The following RMDN3 variants were observed in gnomAD, a reference collection of about 807,000 sequenced individuals.
RMDN3 encodes regulator of microtubule dynamics protein 3.
A neutral mutation model predicts 61.8 loss-of-function variants in RMDN3; 41 were observed. That is an observed-to-expected ratio of 0.66 (90% confidence interval 0.52 to 0.86). The LOEUF (loss-of-function observed/expected upper bound fraction) is 0.86, where lower values mean the gene tolerates loss of function less well. Among genes scored for constraint, RMDN3 ranks in the 40% least tolerant of loss-of-function variants. The probability of loss-of-function intolerance (pLI) is 0.00; values close to 1 mark genes in which losing one functional copy is unlikely to be tolerated. For missense variants in RMDN3, 557 were observed against 585.3 expected, an observed-to-expected ratio of 0.95 and a Z score of 0.50; for synonymous variants, 247 against 232.0, an observed-to-expected ratio of 1.06 and a Z score of -0.59.
chr15:40,737,746 G>T lies in RMDN3; in HGVS notation c.1126-20C>A, dbSNP rs975549286. 1.9e-6 allele frequency: 3 copies of T among 1,608,986 alleles called. No individual in the cohort carries two copies. The highest frequency in any genetic ancestry group is 2.6e-6 in the Non-Finnish European group (3 of 1,176,244). On this transcript the variant is annotated intron_variant, in intron 9 of 12. Transcript: ENST00000338376. ...AGAGACCTGCCACAAAAAGATCAAG[G>T]TGTGTATAAGAGGTTTTAAAAGGTT...
intron 4 of RMDN3, 149 bp downstream of exon 4, chr15:40,751,277 G>T: frequency 1.0e-6 from 1 of 964,932 alleles, no homozygotes; most frequent in Non-Finnish European, 1.6e-6. Flanking sequence ...AATTGGATGG[G>T]TTTTTTGTTT....
At chr15:40,742,265 C>T (rs1377037908) in intron 6 of RMDN3, among the ~76,000 whole-genome samples, 2 of 150,254 alleles carry the variant, frequency 1.3e-5, no homozygotes, top group African/African-American at 4.9e-5. Flanking sequence ...GCCTTGGCCT[C>T]CCAAAGTGCT....
At chr15:40,745,670 T>G (rs1454901910) in intron 4 of RMDN3, among the ~76,000 whole-genome samples, 2 of 151,834 alleles carry the variant, frequency 1.3e-5, no homozygotes, top group African/African-American at 4.8e-5. Flanking sequence ...CCAGCAGAAA[T>G]CATTATTTGA....
At chr15:40,736,963 C>T (rs762924373) in intron 12 of RMDN3, among the ~76,000 whole-genome samples, 161 bp downstream of exon 12, 1 of 152,218 alleles carries the variant, frequency 6.6e-6, no homozygotes, top group Admixed American at 6.5e-5. Flanking sequence ...AAGCGATTCT[C>T]CAGCCTCAGC....
intron 4 of RMDN3, among the ~76,000 whole-genome samples, chr15:40,748,571 G>C (rs913233687): frequency 2.6e-5 from 4 of 152,220 alleles, no homozygotes; most frequent in African/African-American, 9.6e-5. Flanking sequence ...CTGGTTAACT[G>C]CTCTGGCTCC....
intron 6 of RMDN3, among the ~76,000 whole-genome samples, chr15:40,742,355 CT>C (rs1897317942): frequency 6.6e-6 from 1 of 152,242 alleles, no homozygotes; most frequent in African/African-American, 2.4e-5. Context: ...CTCTACCTCT[CT>C]TCCCAAAGAG....
At chr15:40,742,958 G>T (rs190755469) in intron 6 of RMDN3, among the ~76,000 whole-genome samples, 21 of 152,282 alleles carry the variant, frequency 1.4e-4, no homozygotes, top group Non-Finnish European at 2.1e-4. Flanking sequence ...GAATTTTTCT[G>T]AGGGTCTACA....
chr15:40,749,340 C>A (rs1466050141), intron 4 of RMDN3, among the ~76,000 whole-genome samples: 1 of 152,096 alleles, frequency 6.6e-6, no homozygotes, highest in African/African-American at 2.4e-5. Context: ...ACAGTGAGAC[C>A]CCATCTGTAC....
Position 40,745,071 on chromosome 15 carries a change from A to G in RMDN3, c.713T>C (p.Val238Ala). The G allele has an allele frequency of 1.9e-6, 3 of 1,614,128 alleles. No homozygotes were observed. The highest frequency in any genetic ancestry group is 3.3e-5 in the Admixed American group (2 of 60,012). Residue 238 changes from valine to alanine, a missense_variant, in exon 5 of 13, where the codon GTG (valine) becomes GCG (alanine). Coordinates refer to ENST00000338376, the MANE Select transcript of RMDN3 (RefSeq NM_018145.3). ...GTCGGCCTGCTGCAGGAGGGGCAGC[A>G]CATCCTCCAAGCCTGAGGAACCTCC... ...EAGGSSGLED[V>A]LPLLQQADEL...
intron 3 of RMDN3, 173 bp from the exon 4 acceptor site, chr15:40,751,742 G>T: frequency 3.0e-6 from 3 of 984,386 alleles, no homozygotes; most frequent in Non-Finnish European, 4.6e-6. Flanking sequence ...GGCCCAGCCC[G>T]CACAGACAGA....
At chr15:40,742,176 T>G (rs1276947456) in intron 6 of RMDN3, among the ~76,000 whole-genome samples, 1 of 148,488 alleles carries the variant, frequency 6.7e-6, no homozygotes, top group African/African-American at 2.5e-5. Flanking sequence ...TTTAAGTTTT[T>G]TTTTTTTTTT....
chr15:40,737,011 G>A (rs1897078658), intron 12 of RMDN3, 113 bp downstream of exon 12: 2 of 870,218 alleles, frequency 2.3e-6, no homozygotes, highest in Non-Finnish European at 1.9e-6. Flanking sequence ...GCGCCACTAG[G>A]CCCAACTAAT....
chr15:40,751,757 G>A (rs1288912275), intron 3 of RMDN3, 188 bp from the exon 4 acceptor site: 2 of 910,918 alleles, frequency 2.2e-6, no homozygotes, highest in Non-Finnish European at 3.4e-6. Context: ...GACAGACTAG[G>A]TTAGGCAAAC....
chr15:40,740,227 G>C (rs778817431), intron 6 of RMDN3, 34 bp from the exon 7 acceptor site: 27 of 1,431,658 alleles, frequency 1.9e-5, no homozygotes, highest in Non-Finnish European at 2.7e-5. Context: ...AGTTGACATA[G>C]CTCTTATGCA....
At chr15:40,737,375 G>T in intron 10 of RMDN3, 34 bp from the exon 11 acceptor site, 1 of 1,589,748 alleles carries the variant, frequency 6.3e-7, no homozygotes, top group Non-Finnish European at 8.6e-7. Flanking sequence ...TCAGTAAGAG[G>T]TTCCTATATT....
rs2141925747 is a variant in RMDN3 at position 40,751,848 on chromosome 15, G to A, written c.380+138C>T. Reference sequence around the variant, plus strand: ...GCATGTGCAAGGCGAGGTACCAAATGTACAGCTTCAACCCAGATTAGGCTA... The same window carrying A: ...GCATGTGCAAGGCGAGGTACCAAATATACAGCTTCAACCCAGATTAGGCTA... On this transcript the variant is annotated intron_variant, in intron 3 of 12. Transcript: ENST00000338376. 10 of 980,392 alleles carry A rather than the reference G, an allele frequency of 1.0e-5. 1 individual carries two copies. The South Asian group carries it at 1.6e-4, about 15-fold the overall frequency. The allele number at this position is 980,392 out of a possible 1,614,324, so 60.7% of individuals were successfully genotyped here.
intron 10 of RMDN3, 108 bp from the exon 11 acceptor site, chr15:40,737,449 G>T: frequency 8.3e-7 from 1 of 1,203,198 alleles, no homozygotes; most frequent in Non-Finnish European, 1.2e-6. Flanking sequence ...GATTCAGTGG[G>T]TCTGAAGAAA....
chr15:40,745,284 CAA>C, intron 4 of RMDN3, 25 bp from the exon 5 acceptor site: 2 of 1,608,796 alleles, frequency 1.2e-6, no homozygotes, highest in Middle Eastern at 1.7e-4. Context: ...TAAGGGACAA[CAA>C]GAGGATTATT....
At chr15:40,753,557 C>T (rs978514933) in intron 2 of RMDN3, among the ~76,000 whole-genome samples, 2 of 152,056 alleles carry the variant, frequency 1.3e-5, no homozygotes, top group African/African-American at 4.8e-5. Flanking sequence ...AGAAAAAAAA[C>T]ACTCCTCTTG....
Sources: allele counts gnomAD v4.1 joint callset (sites outside exome capture counted in the v4.1 genomes callset), GRCh38; gene constraint gnomAD v4.1.1; transcripts MANE v1.5; gene names NCBI Gene and HGNC (gene_info 2026-07-23, HGNC 2026-07-21).